Variants in LCOR observed in about 807,000 individuals in gnomAD.
The protein encoded by LCOR is ligand dependent nuclear receptor corepressor, also known as ligand-dependent corepressor.
Under a neutral mutation model 64.4 loss-of-function variants are expected in LCOR, and 14 were observed. That is an observed-to-expected ratio of 0.22 (90% CI 0.14 to 0.34). The LOEUF (loss-of-function observed/expected upper bound fraction) is 0.34, where lower values mean the gene tolerates loss of function less well. LCOR is among the 10% of genes least tolerant of loss of function. LCOR has a pLI of 1.00. For missense variants in LCOR, 1,686 were observed against 1,765.3 expected (o/e 0.96, Z 0.80); for synonymous variants, 643 against 642.5 (o/e 1.00, Z -0.01).
chr10:96,847,861 AACTG>A (rs1845659173), intron 2 of LCOR, among the ~76,000 whole-genome samples: 2 of 152,332 alleles, frequency 1.3e-5, no homozygotes, highest in Middle Eastern at 3.4e-3. Flanking sequence ...AAAAGAAAGA[AACTG>A]ACACTGTGGC....
intron 4 of LCOR, among the ~76,000 whole-genome samples, chr10:96,920,682 ATATG>A (rs1847055194): frequency 6.8e-6 from 1 of 146,072 alleles, no homozygotes; most frequent in Non-Finnish European, 1.5e-5. Context: ...ATATATTCAT[ATATG>A]TGTATATATG....
At chr10:96,834,623 T>A (rs1845409758) in intron 2 of LCOR, among the ~76,000 whole-genome samples, 1 of 152,136 alleles carries the variant, frequency 6.6e-6, no homozygotes, top group Non-Finnish European at 1.5e-5. Flanking sequence ...TTTGAAGAAT[T>A]TTTAGTTCTT....
At chr10:96,849,260 A>G (rs1845686499) in intron 2 of LCOR, among the ~76,000 whole-genome samples, 1 of 151,716 alleles carries the variant, frequency 6.6e-6, no homozygotes, top group African/African-American at 2.4e-5. Context: ...TTTTTAGTAG[A>G]GACAGGGTTT....
chr10:96,915,870 CT>C, intron 4 of LCOR: 3 of 476,572 alleles, frequency 6.3e-6, no homozygotes, highest in Non-Finnish European at 1.2e-5. Context: ...GCATTATCTC[CT>C]TTAGCATCCC....
At chr10:96,837,250 A>G (rs1464000484) in intron 2 of LCOR, among the ~76,000 whole-genome samples, 1 of 151,898 alleles carries the variant, frequency 6.6e-6, no homozygotes, top group Non-Finnish European at 1.5e-5. Flanking sequence ...TTGGCCTCCC[A>G]AAGTGCTGGG....
intron 2 of LCOR, among the ~76,000 whole-genome samples, chr10:96,848,610 A>C (rs186026852): frequency 2.0e-5 from 3 of 152,306 alleles, no homozygotes; most frequent in Admixed American, 1.3e-4. Context: ...GTGAGCTGAG[A>C]TCGCGCCATT....
intron 2 of LCOR, among the ~76,000 whole-genome samples, chr10:96,898,622 G>A (rs1280532244): frequency 6.6e-6 from 1 of 152,198 alleles, no homozygotes; most frequent in Non-Finnish European, 1.5e-5. Context: ...AATGAAAAGA[G>A]CCTGGGCTTT....
intron 4 of LCOR, among the ~76,000 whole-genome samples, chr10:96,908,662 T>TC (rs1846772106): frequency 6.6e-6 from 1 of 152,266 alleles, no homozygotes; most frequent in African/African-American, 2.4e-5. Context: ...CTTTTTTTTT[T>TC]CATGGTACAT....
intron 2 of LCOR, among the ~76,000 whole-genome samples, chr10:96,906,497 G>T (rs1485585455): frequency 6.6e-6 from 1 of 152,260 alleles, no homozygotes; most frequent in African/African-American, 2.4e-5. Flanking sequence ...GAAATTGCAA[G>T]ATGGCAAAGA....
Position 96,989,134 on chromosome 10 carries a change from T to A in LCOR, c.*4000T>A, listed in dbSNP as rs142324609. On this transcript the variant is annotated 3_prime_UTR_variant, in exon 8 of 8. Transcript: ENST00000421806. Reference sequence around the variant, plus strand: ...GGAGACATGTTATATCGATATGCACTACTATCCCCTTAAACTTGAGCAACC... The same window carrying A: ...GGAGACATGTTATATCGATATGCACAACTATCCCCTTAAACTTGAGCAACC... 59 of 152,328 alleles carry A rather than the reference T, an allele frequency of 3.9e-4. No homozygotes were observed. The highest frequency in any genetic ancestry group is 1.4e-3 in the African/African-American group (58 of 41,566). 9.4% of individuals were successfully genotyped at this position (152,328 alleles called of 1,614,324 possible). A position where few individuals can be genotyped will look rare whatever the true frequency, so the allele number is the denominator to read the frequency against.
At chr10:96,905,630 G>C (rs1259363617) in intron 2 of LCOR, among the ~76,000 whole-genome samples, 1 of 151,686 alleles carries the variant, frequency 6.6e-6, no homozygotes. Context: ...TTCCTCCCTA[G>C]TGTGGAAGAG....
rs777924906 is a variant in LCOR, at chr10:96,955,237, G to A, written c.332+3041G>A. Reference sequence around the variant, plus strand: ...CCACATTACGAGTTCAACCTCAGCCGTATGAAGTTCAGGGGAAATGGTGCA... The same window carrying A: ...CCACATTACGAGTTCAACCTCAGCCATATGAAGTTCAGGGGAAATGGTGCA... On this transcript the variant is annotated intron_variant, in intron 7 of 7. Transcript: ENST00000421806. 3.2e-5 allele frequency: 52 copies of A among 1,614,016 alleles called. 1 individual carries two copies. The highest frequency in any genetic ancestry group is 2.2e-4 in the East Asian group (10 of 44,888).
intron 2 of LCOR, among the ~76,000 whole-genome samples, chr10:96,838,886 G>T (rs930674214): frequency 3.3e-5 from 5 of 152,098 alleles, no homozygotes; most frequent in Non-Finnish European, 2.9e-5. Flanking sequence ...TTTTAATTTC[G>T]TAGGAACTGC....
chr10:96,833,283 C>T, intron 1 of LCOR, 123 bp from the exon 2 acceptor site: 1 of 950,164 alleles, frequency 1.1e-6, no homozygotes. Context: ...GGACCTTGGG[C>T]CGCCCTCGGG....
At chr10:96,968,443 T>TA (rs750416157) in intron 7 of LCOR, among the ~76,000 whole-genome samples, 9 of 152,224 alleles carry the variant, frequency 5.9e-5, no homozygotes, top group Non-Finnish European at 1.0e-4. Flanking sequence ...TCAGCAAACT[T>TA]ACGCTGCTTT....
In LCOR at chr10:96,944,149, G is replaced by A; in HGVS notation, c.-147G>A. ...CGGTCTGGATGAACCAGCTTCGGGA[G>A]CTGGGCAAGAAGCTCTGCTTAAACA... is the stretch of plus-strand genomic sequence containing the variant. On this transcript the variant is annotated 5_prime_UTR_variant, in exon 5 of 8. Transcript: ENST00000421806. 1.0e-6 allele frequency: 1 copy of A among 985,688 alleles called. No individual in the cohort carries two copies. Among genetic ancestry groups the A allele is most frequent in the Non-Finnish European group, 1.2e-6 (1 of 829,874 alleles). 61.1% of individuals were successfully genotyped at this position (985,688 alleles called of 1,614,324 possible).
intron 2 of LCOR, among the ~76,000 whole-genome samples, chr10:96,841,929 A>G (rs1845548659): frequency 6.6e-6 from 1 of 152,050 alleles, no homozygotes; most frequent in South Asian, 2.1e-4. Flanking sequence ...TCATAATACT[A>G]GATAGTCTGT....
At chr10:96,955,504 T>C in intron 7 of LCOR, 2 of 1,614,170 alleles carry the variant, frequency 1.2e-6, no homozygotes, top group Non-Finnish European at 8.5e-7. Context: ...TTAAGGGCTA[T>C]TCTTCCAAAA....
At chr10:96,870,321 G>T (rs1428773394) in intron 2 of LCOR, among the ~76,000 whole-genome samples, 1 of 152,066 alleles carries the variant, frequency 6.6e-6, no homozygotes, top group Non-Finnish European at 1.5e-5. Flanking sequence ...CTAAACCCTA[G>T]GTTTTGACTT....
Sources: gnomAD v4.1 joint callset for allele counts (sites outside exome capture counted in the v4.1 genomes callset) on GRCh38, gnomAD v4.1.1 for gene constraint, MANE v1.5 for transcripts, NCBI Gene and HGNC (gene_info 2026-07-23, HGNC 2026-07-21) for gene names.